Variants in CCSER1 observed in about 807,000 individuals in gnomAD.
The protein encoded by CCSER1 is serine-rich coiled-coil domain-containing protein 1.
Under a neutral mutation model 82.0 loss-of-function variants are expected in CCSER1, and 41 were observed. That is an observed-to-expected ratio of 0.50 (90% confidence interval 0.39 to 0.65). The LOEUF (loss-of-function observed/expected upper bound fraction) is 0.65. Among genes scored for constraint, CCSER1 ranks in the 30% least tolerant of loss-of-function variants. The pLI is 0.00. For synonymous variants in CCSER1, 414 were observed against 383.9 expected (o/e 1.08, Z -0.92); for missense variants, 1,119 against 1,064.2 (o/e 1.05, Z -0.72).
chr4:90,394,633 A>G (rs1399893813), intron 3 of CCSER1, among the ~76,000 whole-genome samples: 2 of 152,146 alleles, frequency 1.3e-5, no homozygotes, highest in African/African-American at 4.8e-5. Flanking sequence ...GATGGCCTTT[A>G]TATATTTGTT....
intron 7 of CCSER1, among the ~76,000 whole-genome samples, chr4:90,770,030 G>A (rs1406601198): frequency 1.3e-5 from 2 of 152,166 alleles, no homozygotes; most frequent in Non-Finnish European, 2.9e-5. Flanking sequence ...TGAAGAGGCT[G>A]TGGGGCCCAT....
intron 10 of CCSER1, among the ~76,000 whole-genome samples, chr4:91,232,614 A>T (rs941632099): frequency 1.3e-5 from 2 of 151,802 alleles, no homozygotes; most frequent in Non-Finnish European, 3.0e-5. Flanking sequence ...ATGGTATGTA[A>T]ATTTATAACT....
At chr4:91,051,147 T>C (rs957275644) in intron 9 of CCSER1, among the ~76,000 whole-genome samples, 7 of 152,298 alleles carry the variant, frequency 4.6e-5, no homozygotes, top group Middle Eastern at 3.4e-3. Flanking sequence ...TGGACAAATG[T>C]ATTTGAAGTA....
At chr4:91,516,765 T>C (rs868604057) in intron 10 of CCSER1, among the ~76,000 whole-genome samples, 1 of 152,168 alleles carries the variant, frequency 6.6e-6, no homozygotes, top group Admixed American at 6.6e-5. Flanking sequence ...GTTTGATAAG[T>C]GTAGCATTGA....
chr4:91,186,092 G>A (rs755660409), intron 10 of CCSER1, among the ~76,000 whole-genome samples: 71 of 152,150 alleles, frequency 4.7e-4, no homozygotes, highest in African/African-American at 1.2e-3. Context: ...AACTAAGAGC[G>A]ATCGCTCGAG....
chr4:91,363,313 AG>A lies in CCSER1; in HGVS notation c.2218-235258del, dbSNP rs545868610. Among the ~76,000 whole-genome samples the A allele has an allele frequency of 3.3e-5, 5 of 151,388 alleles. 1 individual carries two copies. The South Asian group carries it at 1.0e-3, about 31-fold the overall frequency. ...TAAATTTTTGTTAAATTGAATTGGA[AG>A]TAGAAGTAATCTAGATTGATTGAAG... On this transcript the variant is annotated intron_variant, in intron 10 of 10. Coordinates refer to ENST00000509176, the MANE Select transcript of CCSER1 (RefSeq NM_001145065.2).
At position 91,601,192 on chromosome 4, in the gene CCSER1, T is replaced by C. The variant is rs916025661; in HGVS notation, c.*2135T>C. The C allele has an allele frequency of 2.6e-5, 4 of 152,104 alleles. No individual in the cohort carries two copies. The highest frequency in any genetic ancestry group is 9.6e-5 in the African/African-American group (4 of 41,456). 9.4% of individuals were successfully genotyped at this position (152,104 alleles called of 1,614,324 possible). A position where few individuals can be genotyped will look rare whatever the true frequency, so the allele number is the denominator to read the frequency against. On this transcript the variant is annotated 3_prime_UTR_variant, in exon 11 of 11. Coordinates refer to ENST00000509176, the MANE Select transcript of CCSER1 (RefSeq NM_001145065.2). ...TCCTGGAAGATAGACTTTTGAATTA[T>C]ACTTTATAAAAATAATCTATTTATA...
intron 10 of CCSER1, among the ~76,000 whole-genome samples, chr4:91,306,323 T>G (rs968149486): frequency 2.0e-5 from 3 of 152,058 alleles, no homozygotes; most frequent in African/African-American, 7.2e-5. Flanking sequence ...AAGACTTAAA[T>G]TGCTTTAGCT....
chr4:91,077,949 C>T (rs1035001474), intron 9 of CCSER1, among the ~76,000 whole-genome samples: 3 of 152,210 alleles, frequency 2.0e-5, no homozygotes, highest in Non-Finnish European at 2.9e-5. Flanking sequence ...CAGGGAAGCT[C>T]GAACTGGGTG....
At chr4:90,368,021 A>C (rs1391293836) in intron 3 of CCSER1, among the ~76,000 whole-genome samples, 1 of 152,028 alleles carries the variant, frequency 6.6e-6, no homozygotes, top group African/African-American at 2.4e-5. Flanking sequence ...TCTGAAATTC[A>C]ATAATAAATA....
intron 10 of CCSER1, among the ~76,000 whole-genome samples, chr4:91,446,672 A>ATATATATATATATATAT (rs1553938715): frequency 4.3e-4 from 31 of 72,528 alleles, no homozygotes; most frequent in Non-Finnish European, 6.7e-4. Flanking sequence ...ATTTTAAATA[A>ATATATATATATATATAT]ATAAATATAT....
intron 7 of CCSER1, among the ~76,000 whole-genome samples, chr4:90,737,389 TA>T (rs2149429136): frequency 6.6e-6 from 1 of 152,308 alleles, no homozygotes; most frequent in African/African-American, 2.4e-5. Flanking sequence ...CTGGATAAAC[TA>T]TTCTAGGATA....
chr4:90,465,297 GCC>G (rs199571702), intron 4 of CCSER1, among the ~76,000 whole-genome samples: 2,431 of 150,430 alleles, frequency 0.016, 63 homozygotes, highest in African/African-American at 0.056. Context: ...GAACCACCGC[GCC>G]CAGGCAGCAC....
intron 5 of CCSER1, among the ~76,000 whole-genome samples, chr4:90,557,306 A>G (rs1345669119): frequency 2.0e-5 from 3 of 152,106 alleles, no homozygotes; most frequent in Non-Finnish European, 4.4e-5. Context: ...TGATCGATAC[A>G]GCAAAGATTT....
At chr4:90,195,429 C>T (rs146499778) in intron 1 of CCSER1, among the ~76,000 whole-genome samples, 61 of 152,134 alleles carry the variant, frequency 4.0e-4, no homozygotes, top group African/African-American at 1.3e-3. Flanking sequence ...GTAAAATGAT[C>T]AGTGGTTTCC....
intron 7 of CCSER1, among the ~76,000 whole-genome samples, chr4:90,811,869 TCAGG>T (rs759932900): frequency 1.5e-5 from 1 of 67,224 alleles, no homozygotes; most frequent in African/African-American, 6.6e-5. Context: ...GCTGTATTAG[TCAGG>T]GTTCTTTAGA....
intron 9 of CCSER1, among the ~76,000 whole-genome samples, chr4:90,965,568 G>A (rs751311958): frequency 6.6e-6 from 1 of 152,092 alleles, no homozygotes; most frequent in African/African-American, 2.4e-5. Flanking sequence ...ATTGTAAGTT[G>A]ATCACTATTG....
intron 3 of CCSER1, among the ~76,000 whole-genome samples, chr4:90,339,243 A>G (rs764319071): frequency 2.0e-5 from 3 of 152,036 alleles, no homozygotes; most frequent in Non-Finnish European, 4.4e-5. Context: ...TTGTCATAAG[A>G]CACCCAGAAT....
At chr4:91,489,267 T>TAAGA (rs570917922) in intron 10 of CCSER1, among the ~76,000 whole-genome samples, 38 of 152,176 alleles carry the variant, frequency 2.5e-4, no homozygotes, top group Non-Finnish European at 4.4e-4. Flanking sequence ...TGTAGATGAG[T>TAAGA]AAGAGCAGCA....
Sources: allele counts gnomAD v4.1 joint callset (sites outside exome capture counted in the v4.1 genomes callset), GRCh38; gene constraint gnomAD v4.1.1; transcripts MANE v1.5; gene names NCBI Gene and HGNC (gene_info 2026-07-23, HGNC 2026-07-21).